The following LHFPL2 variants were observed in gnomAD, a reference collection of about 807,000 sequenced individuals.
LHFPL2 encodes LHFPL tetraspan subfamily member 2.
Under a neutral mutation model 17.5 loss-of-function variants are expected in LHFPL2, and 7 were observed. The observed-to-expected ratio is 0.40, with a 90% CI of 0.23 to 0.75. The LOEUF (loss-of-function observed/expected upper bound fraction) is 0.75. Ranked by LOEUF, LHFPL2 falls within the 30% of genes least tolerant of loss-of-function variation. The pLI, the probability that LHFPL2 is intolerant of heterozygous loss-of-function variation, is 0.37. For synonymous variants in LHFPL2, 134 were observed against 116.2 expected, an observed-to-expected ratio of 1.15 and a Z score of -0.99; for missense variants, 241 against 294.8, an observed-to-expected ratio of 0.82 and a Z score of 1.34.
At chr5:78,626,969 G>A (rs1402378742) in intron 2 of LHFPL2, among the ~76,000 whole-genome samples, 1 of 151,876 alleles carries the variant, frequency 6.6e-6, no homozygotes, top group Non-Finnish European at 1.5e-5. Context: ...TAATCCCAGC[G>A]ACTCAGGTGG....
rs1251402024 is a variant in LHFPL2 at position 78,585,250 on chromosome 5, G to A, written c.-244-20379C>T. On this transcript the variant is annotated intron_variant, in intron 2 of 4. Coordinates refer to ENST00000380345, the MANE Select transcript of LHFPL2 (RefSeq NM_005779.3). ...TCTCGATATCCTGACCTCGTGATCC[G>A]CCCGCCTCGGCCTCCCAAAGTGCTG... is the stretch of plus-strand genomic sequence containing the variant. Among the ~76,000 whole-genome samples the A allele has an allele frequency of 1.8e-4, 17 of 96,094 alleles. 3 individuals are homozygous for A. The highest frequency in any genetic ancestry group is 1.5e-4 in the African/African-American group (4 of 26,726). The allele number at this position is 96,094 out of a possible 152,430, so 63.0% of individuals were successfully genotyped here. A position where few individuals can be genotyped will look rare whatever the true frequency, so the allele number is the denominator to read the frequency against.
At chr5:78,581,955 C>T (rs374323510) in intron 2 of LHFPL2, among the ~76,000 whole-genome samples, 19 of 152,288 alleles carry the variant, frequency 1.2e-4, no homozygotes, top group East Asian at 9.6e-4. Flanking sequence ...TTGATTATTG[C>T]CACAATTTCA....
At chr5:78,555,476 A>G (rs1302480021) in intron 3 of LHFPL2, among the ~76,000 whole-genome samples, 1 of 152,240 alleles carries the variant, frequency 6.6e-6, no homozygotes, top group African/African-American at 2.4e-5. Flanking sequence ...GAAAGGAGGA[A>G]CATGGAAGGA....
At position 78,504,331 on chromosome 5, in the gene LHFPL2, A is replaced by T. The variant is rs570801293; in HGVS notation, c.430+5453T>A. The stretch of plus-strand genomic sequence containing the variant: ...GCCCGGTGACTTTTTCAGGAGAAAA[A>T]TTCTGAGGCAGGGCTCCATGTGTGC... On this transcript the variant is annotated intron_variant, in intron 4 of 4. Coordinates refer to ENST00000380345, the MANE Select transcript of LHFPL2 (RefSeq NM_005779.3). Among the ~76,000 whole-genome samples, 3 of 152,220 alleles carry T rather than the reference A, an allele frequency of 2.0e-5. No individual in the cohort carries two copies. The East Asian group carries it at 5.8e-4, about 29-fold the overall frequency.
In LHFPL2 at chr5:78,489,078, T is replaced by C. The variant is rs375203485; in HGVS notation, c.506A>G (p.His169Arg). 3.7e-6 allele frequency: 6 copies of C among 1,614,072 alleles called. No homozygotes were observed. In the African/African-American group the frequency reaches 6.7e-5, roughly 18 times the overall value. ...TCCAGGTTTGTAGGCAGATGCATAA[T>C]GTCCACAGTAGTCTATGGCCTTCTG... is the stretch of plus-strand genomic sequence containing the variant. ...GCQKAIDYCG[H>R]YASAYKPGDC... Residue 169 changes from histidine to arginine, a missense_variant, in exon 5 of 5, where the codon CAT becomes CGT. Physicochemically the swap from His to Arg is conservative, Grantham distance 29. Transcript: ENST00000380345.
chr5:78,516,608 G>A (rs1176928178), intron 3 of LHFPL2, among the ~76,000 whole-genome samples: 1 of 152,162 alleles, frequency 6.6e-6, no homozygotes, highest in Non-Finnish European at 1.5e-5. Context: ...AACTTGAGAT[G>A]ATTTTTAAGA....
chr5:78,509,775 CCTT>C lies in LHFPL2; in HGVS notation c.430+6_430+8del, dbSNP rs1580757567. On this transcript the variant is annotated splice_donor_region_variant and intron_variant, in intron 4 of 4. Transcript: ENST00000380345. ...CCATCCCACCGTGCCCGGGGTCCTG[CCTT>C]CTTACCTGCAATTCCTTGCAACAGC... The C allele has an allele frequency of 6.2e-7, 1 of 1,604,378 alleles. No homozygotes were observed. Among genetic ancestry groups the C allele is most frequent in the East Asian group, 2.2e-5 (1 of 44,684 alleles).
At chr5:78,582,022 A>G (rs377491099) in intron 2 of LHFPL2, among the ~76,000 whole-genome samples, 2 of 152,042 alleles carry the variant, frequency 1.3e-5, no homozygotes, top group South Asian at 2.1e-4. Flanking sequence ...GTCTTGGGAG[A>G]GTGTATGTGT....
At chr5:78,518,005 A>C (rs2112336762) in intron 3 of LHFPL2, among the ~76,000 whole-genome samples, 1 of 152,332 alleles carries the variant, frequency 6.6e-6, no homozygotes, top group East Asian at 1.9e-4. Flanking sequence ...CCAACCTCTA[A>C]GGTAGACATT....
intron 4 of LHFPL2, among the ~76,000 whole-genome samples, chr5:78,493,905 G>C (rs1401757312): frequency 2.0e-5 from 3 of 152,188 alleles, no homozygotes; most frequent in Non-Finnish European, 4.4e-5. Context: ...TGGTTTTTCT[G>C]ATACTCAATT....
chr5:78,524,944 A>G (rs1244196508), intron 3 of LHFPL2, among the ~76,000 whole-genome samples: 1 of 152,066 alleles, frequency 6.6e-6, no homozygotes, highest in Non-Finnish European at 1.5e-5. Context: ...AATACTTGGT[A>G]CTCCTTGAGT....
At chr5:78,514,415 T>C (rs1194206160) in intron 3 of LHFPL2, among the ~76,000 whole-genome samples, 6 of 150,372 alleles carry the variant, frequency 4.0e-5, no homozygotes, top group Non-Finnish European at 8.9e-5. Flanking sequence ...TACCAGAGAA[T>C]AGGGAGCAAA....
chr5:78,618,582 G>A lies in LHFPL2; in HGVS notation c.-245+13682C>T, dbSNP rs911182930. Among the ~76,000 whole-genome samples, 5 of 152,180 alleles carry A rather than the reference G, an allele frequency of 3.3e-5. No individual in the cohort carries two copies. The South Asian group carries it at 6.2e-4, about 19-fold the overall frequency. On this transcript the variant is annotated intron_variant, in intron 2 of 4. Transcript: ENST00000380345. ...CTTAGGGGAGTTGGACTTACGAAGCGGAGCTCAGGGCTTGAAGAGCAGTGT... is the reference window on the plus strand; with the variant it reads ...CTTAGGGGAGTTGGACTTACGAAGCAGAGCTCAGGGCTTGAAGAGCAGTGT...
At position 78,486,733 on chromosome 5, in the gene LHFPL2, T is replaced by C. The variant is rs1317311124; in HGVS notation, c.*2164A>G. 1 of 152,194 alleles carries C rather than the reference T, an allele frequency of 6.6e-6. No individual in the cohort carries two copies. The highest frequency in any genetic ancestry group is 1.5e-5 in the Non-Finnish European group (1 of 68,028). The allele number at this position is 152,194 out of a possible 1,614,324, so 9.4% of individuals were successfully genotyped here. A position where few individuals can be genotyped will look rare whatever the true frequency, so the allele number is the denominator to read the frequency against. ...AAGAAGTCACACTCCCTTGTGACTGTTCCCAGGTTGATCTAGAGGTACACT... is the reference window on the plus strand; with the variant it reads ...AAGAAGTCACACTCCCTTGTGACTGCTCCCAGGTTGATCTAGAGGTACACT... On this transcript the variant is annotated 3_prime_UTR_variant, in exon 5 of 5. Transcript: ENST00000380345.
intron 3 of LHFPL2, among the ~76,000 whole-genome samples, chr5:78,553,675 C>T (rs1338393310): frequency 6.6e-6 from 1 of 152,236 alleles, no homozygotes; most frequent in African/African-American, 2.4e-5. Context: ...ACTGACAGCA[C>T]TGATTCCACC....
chr5:78,535,675 C>T (rs1481928849), intron 3 of LHFPL2, among the ~76,000 whole-genome samples: 2 of 152,186 alleles, frequency 1.3e-5, no homozygotes, highest in African/African-American at 2.4e-5. Flanking sequence ...CTGAGACCCA[C>T]TCCCCACCAA....
At chr5:78,576,503 C>T (rs776233526) in intron 2 of LHFPL2, among the ~76,000 whole-genome samples, 1 of 152,114 alleles carries the variant, frequency 6.6e-6, no homozygotes. Flanking sequence ...TGCTCATGAA[C>T]CATGAGCTGT....
At chr5:78,529,040 G>A (rs1250759228) in intron 3 of LHFPL2, among the ~76,000 whole-genome samples, 1 of 151,992 alleles carries the variant, frequency 6.6e-6, no homozygotes, top group African/African-American at 2.4e-5. Context: ...ACCACTTTGA[G>A]AGGCTGAGAC....
chr5:78,504,969 G>A (rs1359861045), intron 4 of LHFPL2, among the ~76,000 whole-genome samples: 1 of 152,218 alleles, frequency 6.6e-6, no homozygotes, highest in East Asian at 1.9e-4. Context: ...CTGGAAGATA[G>A]CAGGCAGCTG....
Sources: allele counts gnomAD v4.1 joint callset (sites outside exome capture counted in the v4.1 genomes callset), GRCh38; gene constraint gnomAD v4.1.1; transcripts MANE v1.5; gene names NCBI Gene and HGNC (gene_info 2026-07-23, HGNC 2026-07-21).